GRIA4: variants seen among roughly 807,000 people sequenced by gnomAD.
The protein encoded by GRIA4 is glutamate ionotropic receptor AMPA type subunit 4, also known as glutamate receptor 4.
In GRIA4, 34 loss-of-function variants were observed where a neutral mutation model predicts 104.0. The ratio of observed to expected loss-of-function variants is 0.33; its 90% CI spans 0.25 to 0.44. The LOEUF (loss-of-function observed/expected upper bound fraction) is 0.44, where lower values mean the gene tolerates loss of function less well. GRIA4 is among the 20% of genes least tolerant of loss of function. The probability of loss-of-function intolerance (pLI) is 1.00; values close to 1 mark genes in which losing one functional copy is unlikely to be tolerated. For synonymous variants in GRIA4, 386 were observed against 381.9 expected (o/e 1.01, Z -0.13); for missense variants, 750 against 1,096.5 (o/e 0.68, Z 4.46).
intron 3 of GRIA4, among the ~76,000 whole-genome samples, chr11:105,657,398 A>G (rs1387388638): frequency 1.3e-5 from 2 of 152,030 alleles, no homozygotes; most frequent in Non-Finnish European, 2.9e-5. Context: ...AAAAAACTCT[A>G]AAAAGTTAAT....
At chr11:105,843,673 C>T (rs1944473302) in intron 4 of GRIA4, among the ~76,000 whole-genome samples, 1 of 152,140 alleles carries the variant, frequency 6.6e-6, no homozygotes, top group South Asian at 2.1e-4. Context: ...GCCCTCAGTT[C>T]TAGCTATCTC....
chr11:105,639,127 C>T (rs1225593531), intron 3 of GRIA4, among the ~76,000 whole-genome samples: 2 of 152,102 alleles, frequency 1.3e-5, no homozygotes, highest in East Asian at 3.8e-4. Context: ...TACTTAATCA[C>T]ATTAACTCCA....
chr11:105,625,789 T>G (rs568029311), intron 3 of GRIA4, among the ~76,000 whole-genome samples: 1 of 152,238 alleles, frequency 6.6e-6, no homozygotes, highest in Admixed American at 6.5e-5. Context: ...GTTAAGTCTA[T>G]GCTCACACTC....
At chr11:105,850,440 G>A (rs1944763967) in intron 4 of GRIA4, among the ~76,000 whole-genome samples, 1 of 152,110 alleles carries the variant, frequency 6.6e-6, no homozygotes, top group Non-Finnish European at 1.5e-5. Flanking sequence ...GTTTCTAGAA[G>A]GGAAGAACTT....
chr11:105,918,793 G>T lies in GRIA4; in HGVS notation c.1351G>T (p.Ala451Ser). ...DKYEGYCVDL[A>S]SEIAKHIGIK... is the part of the protein sequence containing the mutation. ...GTATGAAGGATACTGTGTAGATTTGGCATCTGAAATTGCAAAACATATTGG... is the reference window on the plus strand; with the variant it reads ...GTATGAAGGATACTGTGTAGATTTGTCATCTGAAATTGCAAAACATATTGG... The change falls in exon 11 of 17, where the codon GCA (alanine) becomes TCA (serine). Residue 451 changes from alanine (A) to serine (S), a missense_variant. Ala to Ser is a moderately conservative substitution (Grantham distance 99). Around this residue, in one of 3 missense-constraint regions of GRIA4, gnomAD observed 272 missense variants for 524.5 expected, o/e 0.52. Coordinates refer to ENST00000282499, the MANE Select transcript of GRIA4 (RefSeq NM_000829.4). 1 of 1,600,958 alleles carries T rather than the reference G, an allele frequency of 6.2e-7. No homozygotes were observed. The highest frequency in any genetic ancestry group is 8.6e-7 in the Non-Finnish European group (1 of 1,168,376).
intron 10 of GRIA4, among the ~76,000 whole-genome samples, chr11:105,917,815 G>GGTGTGTGGGTGT (rs1555047935): frequency 1.4e-5 from 2 of 142,778 alleles, no homozygotes; most frequent in Admixed American, 1.4e-4. Flanking sequence ...TTGGTTTAAG[G>GGTGTGTGGGTGT]GTGTGTGTGT....
chr11:105,622,513 T>C (rs777247740), intron 3 of GRIA4, among the ~76,000 whole-genome samples: 1 of 151,854 alleles, frequency 6.6e-6, no homozygotes, highest in Non-Finnish European at 1.5e-5. Flanking sequence ...TCTTCACTTA[T>C]TTACCCCTTT....
intron 4 of GRIA4, among the ~76,000 whole-genome samples, chr11:105,776,617 CAT>C (rs1179226452): frequency 1.3e-5 from 2 of 152,126 alleles, no homozygotes; most frequent in African/African-American, 4.8e-5. Flanking sequence ...TCAACAAACA[CAT>C]ATATCTCAGA....
At chr11:105,650,864 A>G (rs1051014350) in intron 3 of GRIA4, among the ~76,000 whole-genome samples, 6 of 152,174 alleles carry the variant, frequency 3.9e-5, no homozygotes, top group African/African-American at 1.4e-4. Context: ...CTAAAATTAG[A>G]CAACACGTGA....
intron 3 of GRIA4, among the ~76,000 whole-genome samples, chr11:105,691,121 G>A (rs1480302638): frequency 6.6e-6 from 1 of 152,002 alleles, no homozygotes; most frequent in Non-Finnish European, 1.5e-5. Flanking sequence ...GCATTGTTAC[G>A]ATTCCCTAAT....
intron 3 of GRIA4, among the ~76,000 whole-genome samples, chr11:105,742,315 C>T (rs902152505): frequency 6.6e-6 from 1 of 152,044 alleles, no homozygotes; most frequent in Non-Finnish European, 1.5e-5. Flanking sequence ...CATATCTTAC[C>T]TAATCTTTGA....
At chr11:105,631,792 T>C (rs1433979335) in intron 3 of GRIA4, among the ~76,000 whole-genome samples, 1 of 152,182 alleles carries the variant, frequency 6.6e-6, no homozygotes, top group African/African-American at 2.4e-5. Flanking sequence ...ATGTGTTAAA[T>C]CAGAAGGTGT....
intron 4 of GRIA4, among the ~76,000 whole-genome samples, chr11:105,775,304 A>C (rs760013309): frequency 3.9e-5 from 6 of 152,192 alleles, no homozygotes; most frequent in Admixed American, 3.3e-4. Context: ...CAATATTCAC[A>C]GATTCCAGGA....
chr11:105,700,345 A>C (rs978335829), intron 3 of GRIA4, among the ~76,000 whole-genome samples: 2 of 152,196 alleles, frequency 1.3e-5, no homozygotes, highest in Admixed American at 6.6e-5. Flanking sequence ...TTCTTTAATT[A>C]GTGAAACAAT....
At chr11:105,829,074 G>C (rs1943877932) in intron 4 of GRIA4, among the ~76,000 whole-genome samples, 1 of 125,204 alleles carries the variant, frequency 8.0e-6, no homozygotes, top group African/African-American at 3.6e-5. Context: ...TATTTATTGT[G>C]TGCTATATCC....
At chr11:105,620,085 T>G (rs1950702484) in intron 3 of GRIA4, among the ~76,000 whole-genome samples, 1 of 151,902 alleles carries the variant, frequency 6.6e-6, no homozygotes, top group African/African-American at 2.4e-5. Context: ...CCATTTACTT[T>G]TCCCTACCAT....
chr11:105,719,817 A>C (rs1937665311), intron 3 of GRIA4, among the ~76,000 whole-genome samples: 1 of 151,670 alleles, frequency 6.6e-6, no homozygotes. Flanking sequence ...AATTTTTCCC[A>C]AAAATGGCGA....
At position 105,623,925 on chromosome 11, in the gene GRIA4, G is replaced by A. The variant is rs146183984; in HGVS notation, c.247+11491G>A. On this transcript the variant is annotated intron_variant, in intron 3 of 16. Transcript: ENST00000282499. The stretch of plus-strand genomic sequence containing the variant: ...CAATGGTTGATGCAAAATAGGAATC[G>A]GTAAATATCCTTGAATAAATGAATG... Among the ~76,000 whole-genome samples the A allele has an allele frequency of 6.8e-3, 1,032 of 152,056 alleles. 11 individuals are homozygous for A. Among genetic ancestry groups the A allele is most frequent in the Middle Eastern group, 0.024 (7 of 294 alleles).
chr11:105,781,373 T>C (rs1254169615), intron 4 of GRIA4, among the ~76,000 whole-genome samples: 3 of 152,288 alleles, frequency 2.0e-5, no homozygotes, highest in South Asian at 2.1e-4. Flanking sequence ...TCTGTGGATG[T>C]CCTAGTTGTT....
Sources: gnomAD v4.1 joint callset for allele counts (sites outside exome capture counted in the v4.1 genomes callset) on GRCh38, gnomAD v4.1.1 for gene constraint, gnomAD v4.1.1 regional missense constraint, MANE v1.5 for transcripts, NCBI Gene and HGNC (gene_info 2026-07-23, HGNC 2026-07-21) for gene names.